Variants in BIN2 observed in about 807,000 individuals in gnomAD.
BIN2 encodes bridging integrator 2, also known as breast cancer associated protein BRAP1.
BIN2 carries 43 observed loss-of-function variants against 67.9 expected under a neutral mutation model. The ratio of observed to expected loss-of-function variants is 0.63; its 90% CI spans 0.50 to 0.82. The LOEUF (loss-of-function observed/expected upper bound fraction) is 0.82, where lower values mean the gene tolerates loss of function less well. BIN2 is among the 40% of genes least tolerant of loss of function. The pLI, the probability that BIN2 is intolerant of heterozygous loss-of-function variation, is 0.00. For synonymous variants in BIN2, 244 were observed against 246.8 expected, an observed-to-expected ratio of 0.99 and a Z score of 0.11; for missense variants, 581 against 671.6, an observed-to-expected ratio of 0.87 and a Z score of 1.49.
At chr12:51,306,362 C>T (rs552336886) in intron 2 of BIN2, among the ~76,000 whole-genome samples, 1 of 152,162 alleles carries the variant, frequency 6.6e-6, no homozygotes, top group African/African-American at 2.4e-5. Context: ...CGAGGTAGCT[C>T]AAATCTGTAA....
Position 51,290,088 on chromosome 12 carries a change from T to C in BIN2, c.1515+1503A>G, listed in dbSNP as rs535597436. 7.9e-5 allele frequency among the ~76,000 whole-genome samples: 12 copies of C among 151,608 alleles called. No individual in the cohort carries two copies. The South Asian group carries it at 2.1e-3, about 26-fold the overall frequency. ...TGAATTTATTATTTATTTATTTATT[T>C]ATTTTATTTTGTATTAATTTTTTTT... On this transcript the variant is annotated intron_variant, in intron 10 of 12. Transcript: ENST00000615107.
chr12:51,282,945 TA>T (rs893827552), intron 12 of BIN2, among the ~76,000 whole-genome samples: 88 of 150,354 alleles, frequency 5.9e-4, no homozygotes, highest in African/African-American at 1.6e-3. Context: ...TCCTACTTAT[TA>T]AAAAAAAAGT....
At chr12:51,297,383 A>G (rs914106852) in intron 7 of BIN2, 5 of 372,892 alleles carry the variant, frequency 1.3e-5, no homozygotes, top group African/African-American at 1.1e-4. Flanking sequence ...CCTGGCTAAC[A>G]TGGTAAAACC....
chr12:51,314,753 C>T (rs60797544), intron 1 of BIN2, among the ~76,000 whole-genome samples: 19,781 of 150,706 alleles, frequency 0.13, 1,434 homozygotes, highest in East Asian at 0.24. Context: ...GAGGCAAGAT[C>T]GCACCATTGT....
chr12:51,281,563 C>T, intron 12 of BIN2, 35 bp from the exon 13 acceptor site: 4 of 1,612,440 alleles, frequency 2.5e-6, no homozygotes, highest in Non-Finnish European at 3.4e-6. Context: ...AGGTGTTGAC[C>T]TGCCTTCCCA....
chr12:51,297,299 T>C, intron 7 of BIN2, 135 bp from the exon 8 acceptor site: 1 of 781,090 alleles, frequency 1.3e-6, no homozygotes, highest in Non-Finnish European at 2.1e-6. Context: ...CTGGGCACAG[T>C]GGCTCACGCC....
chr12:51,284,706 C>G lies in BIN2; in HGVS notation c.1668+10G>C. 1 of 1,594,082 alleles carries G rather than the reference C, an allele frequency of 6.3e-7. No individual in the cohort carries two copies. The highest frequency in any genetic ancestry group is 8.6e-7 in the Non-Finnish European group (1 of 1,162,022). ...AATGCCCAATCTATTCTCTGTATATCTGGTCTTACCTCTTCTTGAGGTTCA... is the reference window on the plus strand; with the variant it reads ...AATGCCCAATCTATTCTCTGTATATGTGGTCTTACCTCTTCTTGAGGTTCA... On this transcript the variant is annotated intron_variant, in intron 12 of 12. Transcript: ENST00000615107.
intron 1 of BIN2, among the ~76,000 whole-genome samples, chr12:51,320,936 A>ACACACACACACACACACACACACAC (rs1031506424): frequency 0.014 from 1,877 of 138,572 alleles, 98 homozygotes; most frequent in African/African-American, 0.02. Context: ...TCATACTAAA[A>ACACACACACACACACACACACACAC]ACACACACAC....
upstream of BIN2, chr12:51,324,411 CA>C: frequency 7.2e-7 from 1 of 1,398,298 alleles, no homozygotes; most frequent in Non-Finnish European, 9.4e-7. Context: ...GGCCCACACT[CA>C]CTCGCTCCGG....
chr12:51,295,575 AAAATATATATATATATATAT>A (rs1441728410), intron 9 of BIN2, among the ~76,000 whole-genome samples: 11 of 18,276 alleles, frequency 6.0e-4, no homozygotes, highest in Non-Finnish European at 2.9e-4. Context: ...AAAAAAAAAA[AAAATATATATATATATATAT>A]ATATATATAT....
intron 2 of BIN2, among the ~76,000 whole-genome samples, chr12:51,309,262 G>T (rs1345645356): frequency 1.3e-5 from 2 of 151,684 alleles, no homozygotes; most frequent in African/African-American, 4.8e-5. Flanking sequence ...TTCACAAAAA[G>T]AAAAAAAATC....
chr12:51,315,792 G>A (rs2137436678), intron 1 of BIN2, among the ~76,000 whole-genome samples: 2 of 152,290 alleles, frequency 1.3e-5, no homozygotes, highest in South Asian at 4.1e-4. Context: ...AAACCTGAGA[G>A]CCAAACCGTC....
intron 7 of BIN2, among the ~76,000 whole-genome samples, chr12:51,297,793 GGGCTA>G (rs1481821255): frequency 6.6e-6 from 1 of 151,974 alleles, no homozygotes; most frequent in Non-Finnish European, 1.5e-5. Flanking sequence ...ATTTTTTAAA[GGGCTA>G]TATAAATATA....
At chr12:51,324,289 TC>T (rs769378952), upstream of BIN2, 96 of 1,398,206 alleles carry the variant, frequency 6.9e-5, no homozygotes, top group East Asian at 2.1e-3. Context: ...GCAGGCCGGC[TC>T]GGAGGGGCGG....
At chr12:51,313,113 C>G (rs560588693) in intron 2 of BIN2, among the ~76,000 whole-genome samples, 1 of 151,332 alleles carries the variant, frequency 6.6e-6, no homozygotes, top group African/African-American at 2.4e-5. Flanking sequence ...TGGCACACAC[C>G]TGTAATCTCA....
intron 1 of BIN2, among the ~76,000 whole-genome samples, chr12:51,315,399 C>T (rs900621432): frequency 4.6e-5 from 7 of 152,154 alleles, no homozygotes; most frequent in African/African-American, 1.7e-4. Flanking sequence ...ATCTCTATCT[C>T]CTGACCTCGT....
intron 7 of BIN2, 87 bp from the exon 8 acceptor site, chr12:51,297,251 A>G: frequency 1.5e-6 from 2 of 1,323,722 alleles, no homozygotes; most frequent in Non-Finnish European, 2.1e-6. Flanking sequence ...ACTTAAGCCA[A>G]AACCAGCCAC....
chr12:51,299,365 AT>A lies in BIN2; in HGVS notation c.517-78del, dbSNP rs1945658273. The A allele has an allele frequency of 1.3e-5, 19 of 1,413,200 alleles. No individual in the cohort carries two copies. The South Asian group carries it at 1.5e-4, about 11-fold the overall frequency. 87.5% of individuals were successfully genotyped at this position (1,413,200 alleles called of 1,614,324 possible). A position where few individuals can be genotyped will look rare whatever the true frequency, so the allele number is the denominator to read the frequency against. On this transcript the variant is annotated intron_variant, in intron 6 of 12. Coordinates refer to ENST00000615107, the MANE Select transcript of BIN2 (RefSeq NM_016293.4). The stretch of plus-strand genomic sequence containing the variant: ...ACAGCATGCCTCCTTCATCCTCTGC[AT>A]TTTTTTAGGCACTAGGCTTTTTAGG...
Position 51,297,101 on chromosome 12 carries a change from C to T in BIN2, c.666G>A (p.Arg222=). 1 of 1,613,834 alleles carries T rather than the reference C, an allele frequency of 6.2e-7. No individual in the cohort carries two copies. The highest frequency in any genetic ancestry group is 8.5e-7 in the Non-Finnish European group (1 of 1,179,754). ...NISNLRDVFY[R]EMSKLNHNLY... ...AGACACCTCTCACCTTGCTCATTTCCCTGTAGAAGACATCCCTCAAGTTGG... is the reference window on the plus strand; with the variant it reads ...AGACACCTCTCACCTTGCTCATTTCTCTGTAGAAGACATCCCTCAAGTTGG... The change falls in exon 8 of 13, where the codon AGG becomes AGA. Residue 222 remains arginine (R), a synonymous_variant. Coordinates refer to ENST00000615107, the MANE Select transcript of BIN2 (RefSeq NM_016293.4).
Sources: gnomAD v4.1 joint callset for allele counts (sites outside exome capture counted in the v4.1 genomes callset) on GRCh38, gnomAD v4.1.1 for gene constraint, MANE v1.5 for transcripts, NCBI Gene and HGNC (gene_info 2026-07-23, HGNC 2026-07-21) for gene names.